The following ANKHD1 variants were observed in gnomAD, a reference collection of about 807,000 sequenced individuals.
ANKHD1 encodes the protein ankyrin repeat and KH domain-containing protein 1.
In ANKHD1, 31 loss-of-function variants were observed where a neutral mutation model predicts 230.5. The observed-to-expected ratio is 0.13, with a 90% CI of 0.10 to 0.18. ANKHD1 has a LOEUF of 0.18. ANKHD1 is among the 10% of genes least tolerant of loss of function. The pLI, the probability that ANKHD1 is intolerant of heterozygous loss-of-function variation, is 1.00. For synonymous variants in ANKHD1, 1,074 were observed against 1,117.6 expected, an observed-to-expected ratio of 0.96 and a Z score of 0.78; for missense variants, 2,256 against 3,071.3, an observed-to-expected ratio of 0.73 and a Z score of 6.27.
intron 1 of ANKHD1, among the ~76,000 whole-genome samples, chr5:140,425,051 AT>A (rs1772292475): frequency 6.6e-6 from 1 of 152,186 alleles, no homozygotes; most frequent in Non-Finnish European, 1.5e-5. Context: ...TTTTAAAAAG[AT>A]TTTTCCTTCT....
At position 140,528,721 on chromosome 5, in the gene ANKHD1, T is replaced by G; in HGVS notation, c.5775T>G (p.Ser1925=). Residue 1925 remains serine, a synonymous_variant, in exon 29 of 34, where the codon TCT becomes TCG. Coordinates refer to ENST00000360839, the MANE Select transcript of ANKHD1 (RefSeq NM_017747.3). ...ACGGGACTGTTTTACCCTCAGAGTC[T>G]GCTGGACTAGCTACTGCCAGTTGTC... ...NQNGTVLPSE[S]AGLATASCPI... 6.2e-7 allele frequency: 1 copy of G among 1,614,222 alleles called. No homozygotes were observed. Among genetic ancestry groups the G allele is most frequent in the Non-Finnish European group, 8.5e-7 (1 of 1,180,038 alleles).
chr5:140,516,948 TTAAATG>T (rs1329599088), intron 24 of ANKHD1, among the ~76,000 whole-genome samples: 1 of 151,924 alleles, frequency 6.6e-6, no homozygotes, highest in Non-Finnish European at 1.5e-5. Flanking sequence ...AATATTAACT[TTAAATG>T]TAAACGGATT....
At chr5:140,520,372 G>A (rs1382922159) in intron 24 of ANKHD1, among the ~76,000 whole-genome samples, 6 of 151,466 alleles carry the variant, frequency 4.0e-5, no homozygotes, top group African/African-American at 7.3e-5. Context: ...TCAGTGTGGC[G>A]ATTCCTCAGG....
At chr5:140,408,370 A>G (rs960204022) in intron 1 of ANKHD1, among the ~76,000 whole-genome samples, 1 of 152,178 alleles carries the variant, frequency 6.6e-6, no homozygotes, top group Non-Finnish European at 1.5e-5. Context: ...CTTTCTATGT[A>G]TATATGTATA....
intron 10 of ANKHD1, among the ~76,000 whole-genome samples, chr5:140,473,347 C>A (rs1337099072): frequency 6.6e-6 from 1 of 152,078 alleles, no homozygotes; most frequent in African/African-American, 2.4e-5. Context: ...TAATTCTAAA[C>A]CCCTCTTAAT....
chr5:140,524,439 C>A (rs1053986811), intron 25 of ANKHD1, among the ~76,000 whole-genome samples, 199 bp downstream of exon 25: 1 of 152,122 alleles, frequency 6.6e-6, no homozygotes, highest in Non-Finnish European at 1.5e-5. Context: ...GGAAAACAAG[C>A]GCATAATTTG....
intron 5 of ANKHD1, among the ~76,000 whole-genome samples, chr5:140,445,196 G>A (rs538498316): frequency 4.6e-5 from 7 of 151,814 alleles, no homozygotes; most frequent in African/African-American, 7.2e-5. Context: ...TTGGCCGGGC[G>A]TGGTATAATT....
chr5:140,503,331 G>A (rs557981042), intron 15 of ANKHD1, among the ~76,000 whole-genome samples: 1 of 151,636 alleles, frequency 6.6e-6, no homozygotes, highest in Non-Finnish European at 1.5e-5. Flanking sequence ...ATGAATAATA[G>A]TATTGACAAT....
At chr5:140,460,366 T>C (rs922960967) in intron 9 of ANKHD1, among the ~76,000 whole-genome samples, 15 of 152,130 alleles carry the variant, frequency 9.9e-5, no homozygotes, top group African/African-American at 3.1e-4. Flanking sequence ...ATTTAAAATT[T>C]GATATATAGA....
At position 140,529,894 on chromosome 5, in the gene ANKHD1, A is replaced by G. The variant is rs1321200475; in HGVS notation, c.6850+98A>G. On this transcript the variant is annotated intron_variant, in intron 29 of 33. Coordinates refer to ENST00000360839, the MANE Select transcript of ANKHD1 (RefSeq NM_017747.3). ...AAGTAGCAAGAGGTAAATCAGTCACATATAATGAGCTGCTTTAGATTCTCT... is the reference window on the plus strand; with the variant it reads ...AAGTAGCAAGAGGTAAATCAGTCACGTATAATGAGCTGCTTTAGATTCTCT... 7 of 1,491,730 alleles carry G rather than the reference A, an allele frequency of 4.7e-6. No homozygotes were observed. The African/African-American group carries it at 9.8e-5, about 21-fold the overall frequency. 92.4% of individuals were successfully genotyped at this position (1,491,730 alleles called of 1,614,324 possible).
chr5:140,434,686 T>A (rs1008624108), intron 1 of ANKHD1, among the ~76,000 whole-genome samples: 57 of 152,136 alleles, frequency 3.7e-4, no homozygotes, highest in East Asian at 1.9e-3. Context: ...ACTTTTTTTT[T>A]AATTTTTTAT....
chr5:140,428,585 A>G (rs1328192498), intron 1 of ANKHD1, among the ~76,000 whole-genome samples: 2 of 152,174 alleles, frequency 1.3e-5, no homozygotes, highest in African/African-American at 4.8e-5. Context: ...AGATGGCAGC[A>G]GTACAGTCCA....
Position 140,539,497 on chromosome 5 carries a change from G to T in ANKHD1, c.*79G>T. The T allele has an allele frequency of 6.7e-7, 1 of 1,489,056 alleles. No individual in the cohort carries two copies. 92.2% of individuals were successfully genotyped at this position (1,489,056 alleles called of 1,614,324 possible). On this transcript the variant is annotated 3_prime_UTR_variant, in exon 34 of 34. Coordinates refer to ENST00000360839, the MANE Select transcript of ANKHD1 (RefSeq NM_017747.3). ...AACCATGGGGATTTTTTTTTAATGTGCCTAAGAAATTTTCTCTGAGGCTTT... is the reference window on the plus strand; with the variant it reads ...AACCATGGGGATTTTTTTTTAATGTTCCTAAGAAATTTTCTCTGAGGCTTT...
intron 10 of ANKHD1, chr5:140,465,049 G>T: frequency 4.9e-6 from 1 of 203,870 alleles, no homozygotes; most frequent in Non-Finnish European, 1.0e-5. Flanking sequence ...TTTTTAAACT[G>T]CCATCTGTTA....
At chr5:140,431,166 G>A (rs1178306909) in intron 1 of ANKHD1, among the ~76,000 whole-genome samples, 6 of 152,164 alleles carry the variant, frequency 3.9e-5, no homozygotes, top group Admixed American at 3.3e-4. Context: ...GTGGGACAAA[G>A]GAAACAGTAG....
At position 140,530,253 on chromosome 5, in the gene ANKHD1, C is replaced by T. The variant is rs952889860; in HGVS notation, c.6850+457C>T. Among the ~76,000 whole-genome samples, 4 of 151,614 alleles carry T rather than the reference C, an allele frequency of 2.6e-5. No individual in the cohort carries two copies. The East Asian group carries it at 5.8e-4, about 22-fold the overall frequency. On this transcript the variant is annotated intron_variant, in intron 29 of 33. Transcript: ENST00000360839. Reference sequence around the variant, plus strand: ...TTGAGACAGGGTCTCACTCTATCACCCAGGCTGGAGTGCAGTGGCCCAGTC... The same window carrying T: ...TTGAGACAGGGTCTCACTCTATCACTCAGGCTGGAGTGCAGTGGCCCAGTC...
In ANKHD1 at chr5:140,496,919, G is replaced by A. The variant is rs1752063698; in HGVS notation, c.2645G>A (p.Gly882Glu). 1 of 1,614,042 alleles carries A rather than the reference G, an allele frequency of 6.2e-7. No homozygotes were observed. The highest frequency in any genetic ancestry group is 8.5e-7 in the Non-Finnish European group (1 of 1,180,036). ...QCSHRGVFPE[G>E]EGDGSLPEDH... ...TCTCATAGAGGAGTCTTCCCAGAAG[G>A]GGAAGGAGATGGTAGTCTCCCAGAG... The change falls in exon 15 of 34, where the codon GGG becomes GAG. Residue 882 changes from glycine (G) to glutamate (E), a missense_variant. Coordinates refer to ENST00000360839, the MANE Select transcript of ANKHD1 (RefSeq NM_017747.3).
At chr5:140,503,553 C>CTTTTTT (rs70988767) in intron 15 of ANKHD1, among the ~76,000 whole-genome samples, 677 of 51,462 alleles carry the variant, frequency 0.013, 57 homozygotes, top group East Asian at 0.019. Context: ...AGTTTTCTTT[C>CTTTTTT]TTTTTTTTTT....
At chr5:140,502,761 T>C (rs764583887) in intron 15 of ANKHD1, among the ~76,000 whole-genome samples, 13 of 152,182 alleles carry the variant, frequency 8.5e-5, no homozygotes, top group Non-Finnish European at 1.3e-4. Flanking sequence ...CAATTTTTCA[T>C]TATTACTATT....
Sources: gnomAD v4.1 joint callset for allele counts (sites outside exome capture counted in the v4.1 genomes callset) on GRCh38, gnomAD v4.1.1 for gene constraint, MANE v1.5 for transcripts, NCBI Gene and HGNC (gene_info 2026-07-23, HGNC 2026-07-21) for gene names.